PAICS: variants seen among roughly 807,000 people sequenced by gnomAD.
PAICS encodes the protein bifunctional phosphoribosylaminoimidazole carboxylase/phosphoribosylaminoimidazole succinocarboxamide synthetase.
In PAICS, 33 loss-of-function variants were observed where a neutral mutation model predicts 53.7. The observed-to-expected ratio is 0.61, with a 90% CI of 0.47 to 0.82. The LOEUF (loss-of-function observed/expected upper bound fraction) is 0.82. Among genes scored for constraint, PAICS ranks in the 40% least tolerant of loss-of-function variants. The pLI is 0.00. For missense variants in PAICS, 394 were observed against 494.1 expected (o/e 0.80, Z 1.92); for synonymous variants, 141 against 167.2 (o/e 0.84, Z 1.21).
chr4:56,447,524 G>T (rs80047333), intron 3 of PAICS, among the ~76,000 whole-genome samples: 12,656 of 152,078 alleles, frequency 0.083, 680 homozygotes, highest in East Asian at 0.27. Flanking sequence ...AAAAATTATA[G>T]TGCTGTATAA....
chr4:56,417,835 G>GTTTTTTTTTTTTTTTTT, the PAICS span, among the ~76,000 whole-genome samples: 247 of 102,482 alleles, frequency 2.4e-3, 7 homozygotes, highest in African/African-American at 8.1e-3. Flanking sequence ...TGAAGATTTG[G>GTTTTTTTTTTTTTTTTT]TTTTTTGTTT....
chr4:56,436,190 A>T (rs548382031), upstream of PAICS: 3 of 1,514,436 alleles, frequency 2.0e-6, no homozygotes, highest in Admixed American at 4.3e-5. Flanking sequence ...GCTCGAAAAG[A>T]GTGGCGCAGG....
intron 3 of PAICS, 64 bp downstream of exon 3, chr4:56,446,937 A>G: frequency 1.0e-6 from 1 of 996,626 alleles, no homozygotes; most frequent in East Asian, 2.7e-5. Context: ...ATAATTAGAA[A>G]CTCTAAAGGT....
At chr4:56,432,979 T>TATAC (rs1044336368), upstream of PAICS, among the ~76,000 whole-genome samples, 6 of 127,618 alleles carry the variant, frequency 4.7e-5, no homozygotes, top group African/African-American at 1.8e-4. Flanking sequence ...TATACATATA[T>TATAC]ACATACACAC....
At chr4:56,446,636 G>C in intron 2 of PAICS, 59 bp from the exon 3 acceptor site, 1 of 1,030,894 alleles carries the variant, frequency 9.7e-7, no homozygotes, top group South Asian at 1.6e-5. Context: ...TTGTGCCTCA[G>C]ATCTACCTTT....
chr4:56,455,109 C>T lies in PAICS; in HGVS notation c.1111+1348C>T, dbSNP rs560371062. Reference sequence around the variant, plus strand: ...GAGGCAGAGGTGAGTCAAGATTGTACCAATGGATTCCAAACTGGGCAACAG... The same window carrying T: ...GAGGCAGAGGTGAGTCAAGATTGTATCAATGGATTCCAAACTGGGCAACAG... On this transcript the variant is annotated intron_variant, in intron 8 of 8. Coordinates refer to ENST00000512576, the MANE Select transcript of PAICS (RefSeq NM_001079524.2). Among the ~76,000 whole-genome samples, 5 of 152,128 alleles carry T rather than the reference C, an allele frequency of 3.3e-5. No homozygotes were observed. The South Asian group carries it at 1.0e-3, about 32-fold the overall frequency.
Position 56,436,301 on chromosome 4 carries a change from C to T in PAICS, c.-12C>T. 8 of 1,601,638 alleles carry T rather than the reference C, an allele frequency of 5.0e-6. No homozygotes were observed. Among genetic ancestry groups the T allele is most frequent in the South Asian group, 1.1e-5 (1 of 88,516 alleles). On this transcript the variant is annotated 5_prime_UTR_variant, in exon 1 of 9. Transcript: ENST00000512576. ...TCCCGGCGCGGTCGCAGCCCTCAGC[C>T]CACTTAGGATAATGGCGACAGCTGA...
intron 2 of PAICS, among the ~76,000 whole-genome samples, chr4:56,444,904 T>G (rs1718527888): frequency 1.3e-5 from 2 of 152,132 alleles, no homozygotes; most frequent in African/African-American, 4.8e-5. Context: ...GACTAATGAT[T>G]AACAGATCTA....
chr4:56,429,507 T>C, the PAICS span, among the ~76,000 whole-genome samples: 2 of 152,154 alleles, frequency 1.3e-5, no homozygotes, highest in African/African-American at 2.4e-5. Context: ...TAATGCAATA[T>C]AGCATGTAGA....
chr4:56,445,036 A>AT (rs1246836440), intron 2 of PAICS, among the ~76,000 whole-genome samples: 7 of 151,636 alleles, frequency 4.6e-5, no homozygotes, highest in Non-Finnish European at 8.8e-5. Flanking sequence ...ATTGCATCTA[A>AT]TTTTTTTTTA....
intron 6 of PAICS, chr4:56,451,096 C>T (rs576048790): frequency 3.1e-5 from 5 of 162,990 alleles, no homozygotes; most frequent in Non-Finnish European, 5.3e-5. Context: ...GGATTACAGG[C>T]GTGAGCCACC....
At chr4:56,434,617 C>A (rs1185079122), upstream of PAICS, among the ~76,000 whole-genome samples, 1 of 152,162 alleles carries the variant, frequency 6.6e-6, no homozygotes, top group Non-Finnish European at 1.5e-5. Flanking sequence ...CCCCTGTCCC[C>A]CTTTTGAAGA....
chr4:56,446,587 GAT>G, intron 2 of PAICS, 106 bp from the exon 3 acceptor site: 1 of 677,392 alleles, frequency 1.5e-6, no homozygotes, highest in Non-Finnish European at 2.5e-6. Flanking sequence ...ACTTATTTTT[GAT>G]AGAGGTTCTT....
At position 56,436,279 on chromosome 4, in the gene PAICS, C is replaced by G; in HGVS notation, c.-34C>G. 3 of 1,593,382 alleles carry G rather than the reference C, an allele frequency of 1.9e-6. No homozygotes were observed. The highest frequency in any genetic ancestry group is 1.1e-5 in the South Asian group (1 of 87,318). ...TTTTCTAGAGTTCTGCCTCGCTTCC[C>G]GGCGCGGTCGCAGCCCTCAGCCCAC... On this transcript the variant is annotated 5_prime_UTR_variant, in exon 1 of 9. Coordinates refer to ENST00000512576, the MANE Select transcript of PAICS (RefSeq NM_001079524.2).
chr4:56,454,151 A>C (rs74874408), intron 8 of PAICS, among the ~76,000 whole-genome samples: 3,757 of 152,322 alleles, frequency 0.025, 146 homozygotes, highest in East Asian at 0.19. Context: ...GCTGGCTTTA[A>C]GGCAGCAATT....
At chr4:56,417,124 C>T in the PAICS span, among the ~76,000 whole-genome samples, 6 of 152,336 alleles carry the variant, frequency 3.9e-5, no homozygotes, top group Middle Eastern at 6.8e-3. Context: ...GCTGGGATTA[C>T]AGGCGTGAGC....
At chr4:56,438,786 A>C (rs969239025) in intron 1 of PAICS, among the ~76,000 whole-genome samples, 5 of 152,162 alleles carry the variant, frequency 3.3e-5, no homozygotes, top group Non-Finnish European at 7.4e-5. Flanking sequence ...TGGAGTCAAG[A>C]TGAAAAATTC....
chr4:56,459,051 C>G (rs1719367090), intron 8 of PAICS, among the ~76,000 whole-genome samples: 1 of 152,024 alleles, frequency 6.6e-6, no homozygotes, highest in Non-Finnish European at 1.5e-5. Flanking sequence ...TGTTCTTCGC[C>G]AGGGATTGAA....
chr4:56,426,724 T>TG, the PAICS span, among the ~76,000 whole-genome samples: 9 of 152,212 alleles, frequency 5.9e-5, no homozygotes, highest in African/African-American at 1.7e-4. Context: ...TGAATACTGT[T>TG]GCTATGAACA....
Sources: allele counts gnomAD v4.1 joint callset (sites outside exome capture counted in the v4.1 genomes callset), GRCh38; gene constraint gnomAD v4.1.1; transcripts MANE v1.5; gene names NCBI Gene and HGNC (gene_info 2026-07-23, HGNC 2026-07-21).